Variants in ZC3H12C observed in about 807,000 individuals in gnomAD.
ZC3H12C encodes zinc finger CCCH-type containing 12C, also known as probable ribonuclease ZC3H12C.
Under a neutral mutation model 76.3 loss-of-function variants are expected in ZC3H12C, and 20 were observed. The observed-to-expected ratio is 0.26, with a 90% CI of 0.18 to 0.38. The LOEUF (loss-of-function observed/expected upper bound fraction) is 0.38. Among genes scored for constraint, ZC3H12C ranks in the 10% least tolerant of loss-of-function variants. The pLI is 1.00. For missense variants in ZC3H12C, 874 were observed against 1,086.5 expected, an observed-to-expected ratio of 0.80 and a Z score of 2.75; for synonymous variants, 352 against 399.6, an observed-to-expected ratio of 0.88 and a Z score of 1.42.
intron 1 of ZC3H12C, among the ~76,000 whole-genome samples, chr11:110,117,989 T>G (rs200579677): frequency 7.4e-5 from 3 of 40,790 alleles, no homozygotes; most frequent in African/African-American, 1.9e-4. Context: ...ATTATATATA[T>G]ACACACATAT....
At position 110,169,818 on chromosome 11, in the gene ZC3H12C, T is replaced by C. The variant is rs147109355; in HGVS notation, c.*4081T>C. ...TTGACTTTTTCTGTAAAGGATCAGA[T>C]AGTAAATAATACAGGAATCATATGG... is the stretch of plus-strand genomic sequence containing the variant. On this transcript the variant is annotated 3_prime_UTR_variant, in exon 6 of 6. Coordinates refer to ENST00000278590, the MANE Select transcript of ZC3H12C (RefSeq NM_033390.2). 9 of 152,348 alleles carry C rather than the reference T, an allele frequency of 5.9e-5. No homozygotes were observed. Among genetic ancestry groups the C allele is most frequent in the African/African-American group, 1.7e-4 (7 of 41,592 alleles). 9.4% of individuals were successfully genotyped at this position (152,348 alleles called of 1,614,324 possible).
At chr11:110,104,205 T>C (rs1439064897) in intron 1 of ZC3H12C, among the ~76,000 whole-genome samples, 1 of 151,736 alleles carries the variant, frequency 6.6e-6, no homozygotes, top group Non-Finnish European at 1.5e-5. Flanking sequence ...CCGACAGGCA[T>C]GCACCACCAC....
At chr11:110,117,925 C>CACACACACATATATATTATATATAT (rs1861574654) in intron 1 of ZC3H12C, among the ~76,000 whole-genome samples, 1 of 46,008 alleles carries the variant, frequency 2.2e-5, no homozygotes, top group African/African-American at 7.5e-5. Flanking sequence ...TATATATATA[C>CACACACACATATATATTATATATAT]ACACACACAT....
At chr11:110,099,675 G>A (rs1253412410) in intron 1 of ZC3H12C, among the ~76,000 whole-genome samples, 1 of 151,958 alleles carries the variant, frequency 6.6e-6, no homozygotes, top group Non-Finnish European at 1.5e-5. Flanking sequence ...AGCTGGGTGT[G>A]GTGGCATGTG....
chr11:110,141,305 T>G (rs1862063901), intron 2 of ZC3H12C, among the ~76,000 whole-genome samples: 1 of 152,202 alleles, frequency 6.6e-6, no homozygotes, highest in Non-Finnish European at 1.5e-5. Flanking sequence ...GAAAATGAAC[T>G]AAGCCCATAT....
In ZC3H12C at chr11:110,095,120, A is replaced by G. The variant is rs188381610; in HGVS notation, c.21+1688A>G. Among the ~76,000 whole-genome samples the G allele has an allele frequency of 3.3e-5, 5 of 152,314 alleles. No individual in the cohort carries two copies. The East Asian group carries it at 9.6e-4, about 29-fold the overall frequency. On this transcript the variant is annotated intron_variant, in intron 1 of 5. Coordinates refer to ENST00000278590, the MANE Select transcript of ZC3H12C (RefSeq NM_033390.2). ...AACTTGGAATGTTTCTATACTGATG[A>G]GAGTTTTTATTAGTCACTTCCTTTT...
At chr11:110,134,840 A>G (rs1565259194) in intron 1 of ZC3H12C, among the ~76,000 whole-genome samples, 1 of 151,476 alleles carries the variant, frequency 6.6e-6, no homozygotes, top group Non-Finnish European at 1.5e-5. Context: ...AGAAGTGTGT[A>G]GGAGTTCTAC....
Position 110,165,314 on chromosome 11 carries a change from G to T in ZC3H12C, c.2229G>T (p.Leu743Phe). 3.1e-6 allele frequency: 5 copies of T among 1,613,942 alleles called. No homozygotes were observed. The highest frequency in any genetic ancestry group is 4.2e-6 in the Non-Finnish European group (5 of 1,179,866). ...HSKAPHLGRS[L>F]VATRIDSISD... ...AGGCACCACACCTAGGGAGGTCCTT[G>T]GTGGCCACGAGAATAGACAGCATCT... The change falls in exon 6 of 6, where the codon TTG (leucine) becomes TTT (phenylalanine). Residue 743 changes from leucine (L) to phenylalanine (F), a missense_variant. Physicochemically the swap from Leu to Phe is conservative, Grantham distance 22. This residue lies in a region of ZC3H12C where 395 missense variants were observed against 434.4 expected (regional missense o/e 0.91). Coordinates refer to ENST00000278590, the MANE Select transcript of ZC3H12C (RefSeq NM_033390.2).
At chr11:110,116,960 A>G (rs186190102) in intron 1 of ZC3H12C, among the ~76,000 whole-genome samples, 1 of 152,258 alleles carries the variant, frequency 6.6e-6, no homozygotes, top group African/African-American at 2.4e-5. Context: ...AATAAATTGT[A>G]CCCTGGAGTT....
At chr11:110,099,421 T>C (rs1398022587) in intron 1 of ZC3H12C, among the ~76,000 whole-genome samples, 1 of 152,124 alleles carries the variant, frequency 6.6e-6, no homozygotes, top group Non-Finnish European at 1.5e-5. Flanking sequence ...ATGATGAGCA[T>C]TAATATCTCA....
intron 1 of ZC3H12C, among the ~76,000 whole-genome samples, chr11:110,127,934 G>A (rs956785416): frequency 6.6e-6 from 1 of 151,574 alleles, no homozygotes; most frequent in Non-Finnish European, 1.5e-5. Context: ...AAAGAGAGTG[G>A]TCCCAGGAAG....
intron 1 of ZC3H12C, among the ~76,000 whole-genome samples, chr11:110,103,471 C>A (rs747504197): frequency 2.0e-5 from 3 of 152,166 alleles, no homozygotes; most frequent in Middle Eastern, 3.4e-3. Flanking sequence ...TATGCCAGGT[C>A]CAATATTGAG....
At chr11:110,121,076 A>T (rs1409349941) in intron 1 of ZC3H12C, among the ~76,000 whole-genome samples, 2 of 152,214 alleles carry the variant, frequency 1.3e-5, no homozygotes, top group African/African-American at 4.8e-5. Context: ...CAGACTAATA[A>T]AAGTAACATC....
Position 110,165,632 on chromosome 11 carries a change from C to T in ZC3H12C, c.2547C>T (p.Phe849=), listed in dbSNP as rs191947838. ...EKIYINLCNI[F]PPDLVRIVMK... ...TTTATATCAATTTGTGCAACATCTT[C>T]CCCCCTGACCTTGTGAGAATTGTCA... Residue 849 remains phenylalanine (F), a synonymous_variant, in exon 6 of 6, where the codon TTC becomes TTT. Coordinates refer to ENST00000278590, the MANE Select transcript of ZC3H12C (RefSeq NM_033390.2). The T allele has an allele frequency of 1.2e-4, 187 of 1,599,058 alleles. No homozygotes were observed. Among genetic ancestry groups the T allele is most frequent in the Non-Finnish European group, 5.1e-6 (6 of 1,172,430 alleles).
chr11:110,153,544 A>G (rs556909235), intron 3 of ZC3H12C, among the ~76,000 whole-genome samples: 6 of 85,704 alleles, frequency 7.0e-5, no homozygotes, highest in Admixed American at 3.2e-4. Flanking sequence ...TCATCACTAC[A>G]TAAGCCAGCT....
chr11:110,154,896 C>T (rs1168533856), intron 3 of ZC3H12C, among the ~76,000 whole-genome samples: 1 of 138,016 alleles, frequency 7.2e-6, no homozygotes, highest in Admixed American at 7.3e-5. Context: ...GAATAGACAA[C>T]TCCCAGAATA....
chr11:110,138,090 A>G (rs1485724264), intron 2 of ZC3H12C, among the ~76,000 whole-genome samples: 3 of 151,884 alleles, frequency 2.0e-5, no homozygotes, highest in Non-Finnish European at 4.4e-5. Context: ...ACCTCTACCT[A>G]TAGCAAAATA....
chr11:110,152,773 T>C, intron 2 of ZC3H12C, 146 bp from the exon 3 acceptor site: 1 of 818,770 alleles, frequency 1.2e-6, no homozygotes, highest in South Asian at 1.9e-5. Context: ...GTTATCTCGA[T>C]GTGTCTCTGA....
At position 110,165,892 on chromosome 11, in the gene ZC3H12C, GC is replaced by G; in HGVS notation, c.*159del. ...CTGTATCATGGAATCTGTATGTATA[GC>G]CCCACATGGTGGAAGTATCACGGGA... On this transcript the variant is annotated 3_prime_UTR_variant, in exon 6 of 6. Transcript: ENST00000278590. The G allele has an allele frequency of 2.8e-6, 2 of 704,426 alleles. No homozygotes were observed. Among genetic ancestry groups the G allele is most frequent in the Non-Finnish European group, 4.5e-6 (2 of 445,014 alleles). The allele number at this position is 704,426 out of a possible 1,614,324, so 43.6% of individuals were successfully genotyped here.
Sources: gnomAD v4.1 joint callset for allele counts (sites outside exome capture counted in the v4.1 genomes callset) on GRCh38, gnomAD v4.1.1 for gene constraint, gnomAD v4.1.1 regional missense constraint, MANE v1.5 for transcripts, NCBI Gene and HGNC (gene_info 2026-07-23, HGNC 2026-07-21) for gene names.